The following ELP3 variants were observed in gnomAD, a reference collection of about 807,000 sequenced individuals.
ELP3 encodes elongator acetyltransferase complex subunit 3.
In ELP3, 56 loss-of-function variants were observed where a neutral mutation model predicts 74.9. The observed-to-expected ratio is 0.75, with a 90% CI of 0.60 to 0.93. The LOEUF is 0.93. Among genes scored for constraint, ELP3 ranks in the 40% least tolerant of loss-of-function variants. The probability of loss-of-function intolerance (pLI) is 0.00; values close to 1 mark genes in which losing one functional copy is unlikely to be tolerated. For missense variants in ELP3, 573 were observed against 686.5 expected (o/e 0.83, Z 1.85); for synonymous variants, 222 against 239.8 (o/e 0.93, Z 0.68).
At chr8:28,119,910 A>G (rs1306587636) in intron 7 of ELP3, among the ~76,000 whole-genome samples, 1 of 151,998 alleles carries the variant, frequency 6.6e-6, no homozygotes, top group Non-Finnish European at 1.5e-5. Context: ...AGATTTATCC[A>G]TGTGTTGGGT....
chr8:28,155,823 C>T (rs1813803723), intron 10 of ELP3, 119 bp from the exon 11 acceptor site: 15 of 714,844 alleles, frequency 2.1e-5, no homozygotes, highest in Non-Finnish European at 3.4e-5. Flanking sequence ...TCCTGGTCAG[C>T]TTCATAGGTT....
chr8:28,164,330 C>A (rs1814222327), intron 14 of ELP3, among the ~76,000 whole-genome samples: 1 of 152,154 alleles, frequency 6.6e-6, no homozygotes, highest in South Asian at 2.1e-4. Context: ...TTATCATAAT[C>A]TAAATAATAG....
At chr8:28,169,161 C>T (rs904114524) in intron 14 of ELP3, among the ~76,000 whole-genome samples, 1 of 152,152 alleles carries the variant, frequency 6.6e-6, no homozygotes, top group East Asian at 1.9e-4. Flanking sequence ...TCCACTTGTC[C>T]ACCATTCATG....
chr8:28,092,550 T>G (rs1179967207), upstream of ELP3, among the ~76,000 whole-genome samples: 1 of 152,130 alleles, frequency 6.6e-6, no homozygotes, highest in East Asian at 1.9e-4. Flanking sequence ...AAGCTTAACT[T>G]TTTTCTTTGG....
At chr8:28,090,478 G>GGGGTGT (rs1554492414), upstream of ELP3, 6 of 227,228 alleles carry the variant, frequency 2.6e-5, no homozygotes, top group Admixed American at 2.2e-4. Context: ...TAGTCTGATG[G>GGGGTGT]GTGGGTGTGT....
At chr8:28,149,557 T>G (rs1171367343) in intron 10 of ELP3, among the ~76,000 whole-genome samples, 1 of 152,206 alleles carries the variant, frequency 6.6e-6, no homozygotes, top group African/African-American at 2.4e-5. Flanking sequence ...AGCGTTTCCA[T>G]CCTCTCCTTT....
chr8:28,142,408 T>C (rs919687502), intron 10 of ELP3, among the ~76,000 whole-genome samples: 3 of 152,214 alleles, frequency 2.0e-5, no homozygotes, highest in Non-Finnish European at 2.9e-5. Context: ...TCTCTATCAA[T>C]ACATCACTTA....
At chr8:28,135,465 A>C (rs1410115819) in intron 9 of ELP3, among the ~76,000 whole-genome samples, 1 of 152,138 alleles carries the variant, frequency 6.6e-6, no homozygotes, top group East Asian at 1.9e-4. Context: ...ATATCTCAGG[A>C]AGTTGGTTGC....
chr8:28,133,073 C>T (rs1812841726), intron 9 of ELP3, among the ~76,000 whole-genome samples: 1 of 152,070 alleles, frequency 6.6e-6, no homozygotes, highest in African/African-American at 2.4e-5. Flanking sequence ...AAATAATTCT[C>T]TCCTGTTTAT....
chr8:28,154,387 T>A (rs1813750349), intron 10 of ELP3, among the ~76,000 whole-genome samples: 1 of 152,224 alleles, frequency 6.6e-6, no homozygotes, highest in South Asian at 2.1e-4. Flanking sequence ...ATTTGTCATG[T>A]AATGGGCGCT....
chr8:28,127,875 A>G (rs888114969), intron 7 of ELP3, among the ~76,000 whole-genome samples: 1 of 152,230 alleles, frequency 6.6e-6, no homozygotes, highest in African/African-American at 2.4e-5. Flanking sequence ...AAGAGTTCAA[A>G]TGTCCAGAAT....
At chr8:28,164,559 T>G (rs1814233623) in intron 14 of ELP3, among the ~76,000 whole-genome samples, 1 of 152,124 alleles carries the variant, frequency 6.6e-6, no homozygotes, top group Non-Finnish European at 1.5e-5. Flanking sequence ...TAAGCATTAC[T>G]TCCTGTCACC....
intron 14 of ELP3, among the ~76,000 whole-genome samples, chr8:28,164,899 T>C (rs1302647138): frequency 6.6e-6 from 1 of 152,112 alleles, no homozygotes; most frequent in Non-Finnish European, 1.5e-5. Context: ...TGTGTGTGCG[T>C]GTGTTTTAGT....
At position 28,161,982 on chromosome 8, in the gene ELP3, T is replaced by A; in HGVS notation, c.1486-15T>A. 6.2e-7 allele frequency: 1 copy of A among 1,613,808 alleles called. No individual in the cohort carries two copies. On this transcript the variant is annotated splice_polypyrimidine_tract_variant and intron_variant, in intron 13 of 14. Coordinates refer to ENST00000256398, the MANE Select transcript of ELP3 (RefSeq NM_018091.6). ...TTCCTTTTTAATTCCCACTCCCCAT[T>A]GTTGCTCCGTGCAGGGATTTGGCAT... is the stretch of plus-strand genomic sequence containing the variant.
intron 14 of ELP3, among the ~76,000 whole-genome samples, chr8:28,183,918 GAGACGGTCC>G (rs1378863840): frequency 6.6e-6 from 1 of 152,228 alleles, no homozygotes; most frequent in African/African-American, 2.4e-5. Context: ...TGAGGGCTCG[GAGACGGTCC>G]AGGCAGCCTG....
At chr8:28,152,496 T>G (rs899953102) in intron 10 of ELP3, among the ~76,000 whole-genome samples, 1 of 152,242 alleles carries the variant, frequency 6.6e-6, no homozygotes, top group Non-Finnish European at 1.5e-5. Flanking sequence ...ACTTGTGCTT[T>G]GGCGTCATGT....
intron 3 of ELP3, among the ~76,000 whole-genome samples, chr8:28,104,977 A>T (rs1169975865): frequency 6.6e-6 from 1 of 152,200 alleles, no homozygotes; most frequent in Non-Finnish European, 1.5e-5. Flanking sequence ...ATTTTGATGC[A>T]CAAATTATTG....
chr8:28,115,639 A>T (rs1812099850), intron 7 of ELP3, among the ~76,000 whole-genome samples: 1 of 152,204 alleles, frequency 6.6e-6, no homozygotes, highest in Non-Finnish European at 1.5e-5. Context: ...TGGGTGAGGA[A>T]GCTGAGGCAC....
intron 10 of ELP3, 33 bp from the exon 11 acceptor site, chr8:28,155,909 T>A: frequency 6.5e-7 from 1 of 1,540,214 alleles, no homozygotes; most frequent in East Asian, 2.3e-5. Context: ...GATTTCTATT[T>A]TGCAACAGCT....
Sources: allele counts gnomAD v4.1 joint callset (sites outside exome capture counted in the v4.1 genomes callset), GRCh38; gene constraint gnomAD v4.1.1; transcripts MANE v1.5; gene names NCBI Gene and HGNC (gene_info 2026-07-23, HGNC 2026-07-21).